Variants in ZFAND6 observed in about 807,000 individuals in gnomAD.
ZFAND6 encodes the protein zinc finger AN1-type containing 6.
In ZFAND6, 12 loss-of-function variants were observed where a neutral mutation model predicts 24.5. The observed-to-expected ratio is 0.49, with a 90% CI of 0.31 to 0.79. The LOEUF (loss-of-function observed/expected upper bound fraction) is 0.79, where lower values mean the gene tolerates loss of function less well. ZFAND6 is among the 30% of genes least tolerant of loss of function. The pLI, the probability that ZFAND6 is intolerant of heterozygous loss-of-function variation, is 0.04. For synonymous variants in ZFAND6, 92 were observed against 81.5 expected, an observed-to-expected ratio of 1.13 and a Z score of -0.69; for missense variants, 207 against 245.9, an observed-to-expected ratio of 0.84 and a Z score of 1.06.
intron 1 of ZFAND6, among the ~76,000 whole-genome samples, chr15:80,090,554 CT>C (rs1455882783): frequency 6.6e-6 from 1 of 152,236 alleles, no homozygotes; most frequent in Admixed American, 6.5e-5. Flanking sequence ...GCAATTCTGA[CT>C]TACCTACTAG....
At chr15:80,090,070 G>A (rs2038260428) in intron 1 of ZFAND6, among the ~76,000 whole-genome samples, 1 of 152,040 alleles carries the variant, frequency 6.6e-6, no homozygotes, top group South Asian at 2.1e-4. Flanking sequence ...ATATTATATT[G>A]TGACTTGTTA....
intron 1 of ZFAND6, among the ~76,000 whole-genome samples, chr15:80,093,680 G>C (rs140614109): frequency 6.6e-6 from 1 of 152,174 alleles, no homozygotes; most frequent in Non-Finnish European, 1.5e-5. Context: ...AGCCGAGATC[G>C]CGCCATTGCA....
At chr15:80,068,050 C>CT (rs1333393168) in intron 1 of ZFAND6, among the ~76,000 whole-genome samples, 85 of 151,740 alleles carry the variant, frequency 5.6e-4, no homozygotes, top group Non-Finnish European at 1.8e-4. Context: ...CAACCTCTGC[C>CT]TCCTGGGTTC....
chr15:80,128,483 A>G (rs922697154), intron 5 of ZFAND6, among the ~76,000 whole-genome samples: 7 of 152,224 alleles, frequency 4.6e-5, no homozygotes, highest in African/African-American at 9.7e-5. Context: ...AACTAAAGCT[A>G]GAAAGGTTGT....
chr15:80,133,197 T>TTG (rs1484811496), intron 6 of ZFAND6, among the ~76,000 whole-genome samples: 1 of 90,400 alleles, frequency 1.1e-5, no homozygotes, highest in Non-Finnish European at 2.8e-5. Flanking sequence ...TGTTTGTTTT[T>TTG]TGTTTTTTTT....
At chr15:80,127,726 T>C (rs1452197163) in intron 5 of ZFAND6, among the ~76,000 whole-genome samples, 1 of 151,732 alleles carries the variant, frequency 6.6e-6, no homozygotes, top group African/African-American at 2.4e-5. Flanking sequence ...TGTAGAAAAA[T>C]TGGAGCCCTC....
At chr15:80,087,932 A>C (rs1368742110) in intron 1 of ZFAND6, among the ~76,000 whole-genome samples, 1 of 152,134 alleles carries the variant, frequency 6.6e-6, no homozygotes, top group Admixed American at 6.6e-5. Flanking sequence ...TATGCATGCT[A>C]TGTTTTTCTG....
chr15:80,097,673 A>T (rs9744611), intron 1 of ZFAND6, among the ~76,000 whole-genome samples: 1 of 150,520 alleles, frequency 6.6e-6, no homozygotes, highest in African/African-American at 2.4e-5. Flanking sequence ...TAAATAAATA[A>T]ATACATACAT....
At chr15:80,133,852 A>T (rs923465161) in intron 6 of ZFAND6, among the ~76,000 whole-genome samples, 5 of 152,192 alleles carry the variant, frequency 3.3e-5, no homozygotes, top group African/African-American at 1.2e-4. Context: ...GATAAACACC[A>T]GCTGCCAGTC....
At chr15:80,082,447 T>C (rs1027713993) in intron 1 of ZFAND6, among the ~76,000 whole-genome samples, 2 of 152,266 alleles carry the variant, frequency 1.3e-5, no homozygotes, top group African/African-American at 2.4e-5. Flanking sequence ...AGATTGAAAT[T>C]GGGAAGGCTG....
At position 80,120,376 on chromosome 15, in the gene ZFAND6, C is replaced by G; in HGVS notation, c.32C>G (p.Pro11Arg). Reference protein sequence around the residue: MAQETNHSQVPMLCSTGCGFY... With the variant: MAQETNHSQVRMLCSTGCGFY... Reference sequence around the variant, plus strand: ...CAAGAAACTAATCACAGCCAAGTGCCTATGCTTTGTTCCACTGGCTGTGGA... The same window carrying G: ...CAAGAAACTAATCACAGCCAAGTGCGTATGCTTTGTTCCACTGGCTGTGGA... The change falls in exon 3 of 7, where the codon CCT (proline) becomes CGT (arginine). Residue 11 changes from proline (P) to arginine (R), a missense_variant. Pro to Arg is a moderately radical substitution (Grantham distance 103). This residue lies in a region of ZFAND6 where 29 missense variants were observed against 55.4 expected (regional missense o/e 0.52). Coordinates refer to ENST00000261749, the MANE Select transcript of ZFAND6 (RefSeq NM_019006.4). The G allele has an allele frequency of 6.3e-7, 1 of 1,597,608 alleles. No homozygotes were observed. Among genetic ancestry groups the G allele is most frequent in the Non-Finnish European group, 8.5e-7 (1 of 1,169,826 alleles).
At chr15:80,137,134 C>T (rs760359409) in intron 6 of ZFAND6, among the ~76,000 whole-genome samples, 1 of 152,206 alleles carries the variant, frequency 6.6e-6, no homozygotes, top group Non-Finnish European at 1.5e-5. Context: ...CCAAGACTGC[C>T]TTCTGACAGT....
rs112077662 is a variant in ZFAND6 at position 80,102,986 on chromosome 15, C to T, written c.-18+4408C>T. 9.1e-3 allele frequency among the ~76,000 whole-genome samples: 1,388 copies of T among 152,318 alleles called. 26 individuals are homozygous for T. Among genetic ancestry groups the T allele is most frequent in the African/African-American group, 0.032 (1,318 of 41,564 alleles). ...AGCCTTGGTACTTTTTATGTGTGTG[C>T]TATTCTGTCTCCTCCCCACCTCCAT... On this transcript the variant is annotated intron_variant, in intron 2 of 6. Transcript: ENST00000261749.
At chr15:80,087,857 A>G (rs1402661744) in intron 1 of ZFAND6, among the ~76,000 whole-genome samples, 5 of 152,150 alleles carry the variant, frequency 3.3e-5, no homozygotes, top group African/African-American at 1.2e-4. Context: ...GGGGTGTATT[A>G]TGCATGCATA....
At chr15:80,107,641 A>G (rs980709151) in intron 2 of ZFAND6, among the ~76,000 whole-genome samples, 8 of 152,136 alleles carry the variant, frequency 5.3e-5, no homozygotes, top group African/African-American at 1.9e-4. Flanking sequence ...TCTGGCCAAC[A>G]TGGTGAAACC....
intron 1 of ZFAND6, among the ~76,000 whole-genome samples, chr15:80,072,244 G>A (rs1233897436): frequency 6.6e-6 from 1 of 151,994 alleles, no homozygotes; most frequent in Non-Finnish European, 1.5e-5. Context: ...AAAAATAAAT[G>A]ATTTAGATTA....
At chr15:80,094,141 A>T (rs1192302963) in intron 1 of ZFAND6, among the ~76,000 whole-genome samples, 1 of 152,234 alleles carries the variant, frequency 6.6e-6, no homozygotes, top group Non-Finnish European at 1.5e-5. Context: ...GATGCTTACC[A>T]GGTTTTATTT....
intron 1 of ZFAND6, among the ~76,000 whole-genome samples, chr15:80,085,297 A>G (rs1007437033): frequency 6.6e-6 from 1 of 152,216 alleles, no homozygotes; most frequent in Non-Finnish European, 1.5e-5. Context: ...ACTACTGTGA[A>G]TGCTGGGATT....
In ZFAND6 at chr15:80,059,742, C is replaced by T. The variant is rs1440382316; in HGVS notation, c.-248C>T. 1.3e-5 allele frequency: 2 copies of T among 152,268 alleles called. No individual in the cohort carries two copies. The highest frequency in any genetic ancestry group is 2.9e-5 in the Non-Finnish European group (2 of 68,184). 9.4% of individuals were successfully genotyped at this position (152,268 alleles called of 1,614,324 possible). A position where few individuals can be genotyped will look rare whatever the true frequency, so the allele number is the denominator to read the frequency against. Reference sequence around the variant, plus strand: ...GCAAGCAGGGGTTCGGCGGCATTACCTGTACCCATTCACCGGCGGCTACCG... The same window carrying T: ...GCAAGCAGGGGTTCGGCGGCATTACTTGTACCCATTCACCGGCGGCTACCG... On this transcript the variant is annotated 5_prime_UTR_variant, in exon 1 of 7. Coordinates refer to ENST00000261749, the MANE Select transcript of ZFAND6 (RefSeq NM_019006.4).
Sources: gnomAD v4.1 joint callset for allele counts (sites outside exome capture counted in the v4.1 genomes callset) on GRCh38, gnomAD v4.1.1 for gene constraint, gnomAD v4.1.1 regional missense constraint, MANE v1.5 for transcripts, NCBI Gene and HGNC (gene_info 2026-07-23, HGNC 2026-07-21) for gene names.